The following LRIG3 variants were observed in gnomAD, a reference collection of about 807,000 sequenced individuals.
LRIG3 encodes the protein leucine-rich repeats and immunoglobulin-like domains protein 3.
LRIG3 carries 76 observed loss-of-function variants against 114.5 expected under a neutral mutation model. That is an observed-to-expected ratio of 0.66 (90% CI 0.55 to 0.80). The LOEUF is 0.80. LRIG3 is among the 30% of genes least tolerant of loss of function. The pLI, the probability that LRIG3 is intolerant of heterozygous loss-of-function variation, is 0.00. For synonymous variants in LRIG3, 512 were observed against 519.8 expected (o/e 0.98, Z 0.20); for missense variants, 1,239 against 1,382.8 (o/e 0.90, Z 1.65).
chr12:58,888,352 C>G lies in LRIG3; in HGVS notation c.924G>C (p.Glu308Asp). The G allele has an allele frequency of 6.2e-7, 1 of 1,613,384 alleles. No homozygotes were observed. The highest frequency in any genetic ancestry group is 2.2e-5 in the East Asian group (1 of 44,866). Residue 308 changes from glutamate to aspartate, a missense_variant, in exon 7 of 19, where the codon GAG becomes GAC. By Grantham distance (45) the Glu-to-Asp change is conservative. Coordinates refer to ENST00000320743, the MANE Select transcript of LRIG3 (RefSeq NM_153377.5). ...ACAGCTCACTGAGCTTCTGGCAGAA[C>G]TCCCAGGCATCAGGGCTGATCCTGT... ...AINRISPDAWEFCQKLSELDL... is the reference protein window; with the variant it reads ...AINRISPDAWDFCQKLSELDL...
At chr12:58,905,499 G>C (rs2120961667) in intron 3 of LRIG3, among the ~76,000 whole-genome samples, 1 of 152,280 alleles carries the variant, frequency 6.6e-6, no homozygotes, top group African/African-American at 2.4e-5. Context: ...GTAATATCTG[G>C]TTTGTATGTA....
intron 3 of LRIG3, among the ~76,000 whole-genome samples, chr12:58,891,029 G>A (rs1871439552): frequency 6.6e-6 from 1 of 152,162 alleles, no homozygotes. Flanking sequence ...GTTCTGTTTA[G>A]CAGCTGTGGC....
chr12:58,920,370 A>G lies in LRIG3; in HGVS notation c.-135T>C. On this transcript the variant is annotated 5_prime_UTR_variant, in exon 1 of 19. Transcript: ENST00000320743. ...CGCTCCTCCCTCGCGCTGCCCGGTC[A>G]ATTCCTTCTTTTACTCCCGGCGGCG... 1.7e-6 allele frequency: 1 copy of G among 582,594 alleles called. No individual in the cohort carries two copies. The highest frequency in any genetic ancestry group is 2.6e-6 in the Non-Finnish European group (1 of 384,154). 36.1% of individuals were successfully genotyped at this position (582,594 alleles called of 1,614,324 possible). A position where few individuals can be genotyped will look rare whatever the true frequency, so the allele number is the denominator to read the frequency against.
At position 58,920,125 on chromosome 12, in the gene LRIG3, C is replaced by T; in HGVS notation, c.111G>A (p.Gln37=). Residue 37 remains glutamine (Q), a synonymous_variant, in exon 1 of 19, where the codon CAG becomes CAA. Transcript: ENST00000320743. ...GGCGCTCGGCGGCTACCCCAGAGGG[C>T]TGCCCGAGTTCCCCGCGACCGCCGC... ...SDSGGRGELG[Q]PSGVAAERPC... 1.3e-6 allele frequency: 2 copies of T among 1,547,088 alleles called. No homozygotes were observed. The highest frequency in any genetic ancestry group is 1.7e-6 in the Non-Finnish European group (2 of 1,146,992).
chr12:58,907,555 C>T (rs915105677), intron 3 of LRIG3, among the ~76,000 whole-genome samples: 7 of 152,220 alleles, frequency 4.6e-5, no homozygotes, highest in Non-Finnish European at 8.8e-5. Context: ...CACCACAATG[C>T]AAAAGCAGCA....
intron 3 of LRIG3, among the ~76,000 whole-genome samples, chr12:58,909,093 C>G (rs988820255): frequency 6.6e-6 from 1 of 152,196 alleles, no homozygotes; most frequent in African/African-American, 2.4e-5. Flanking sequence ...GCAAGCCTTT[C>G]TCTACATCCC....
At chr12:58,911,727 T>C (rs12322708) in intron 3 of LRIG3, among the ~76,000 whole-genome samples, 18,673 of 152,140 alleles carry the variant, frequency 0.12, 2,245 homozygotes, top group African/African-American at 0.31. Context: ...TCAAGTGTTT[T>C]TATATAAAAG....
chr12:58,903,877 G>A (rs1452396365), intron 3 of LRIG3, among the ~76,000 whole-genome samples: 2 of 151,994 alleles, frequency 1.3e-5, no homozygotes, highest in African/African-American at 4.8e-5. Context: ...GATAGTTGTA[G>A]ATATGCGGCG....
intron 3 of LRIG3, among the ~76,000 whole-genome samples, chr12:58,893,742 T>C (rs1033742795): frequency 5.3e-5 from 8 of 152,158 alleles, no homozygotes; most frequent in Non-Finnish European, 1.5e-5. Flanking sequence ...ATCCAAATGT[T>C]TGCATTACTA....
At chr12:58,919,178 A>C (rs1375387423) in intron 1 of LRIG3, among the ~76,000 whole-genome samples, 1 of 152,236 alleles carries the variant, frequency 6.6e-6, no homozygotes, top group Non-Finnish European at 1.5e-5. Flanking sequence ...CATTTGGAAA[A>C]GATCAGCATT....
intron 1 of LRIG3, among the ~76,000 whole-genome samples, chr12:58,915,317 T>C (rs1039876830): frequency 6.6e-6 from 1 of 152,212 alleles, no homozygotes; most frequent in African/African-American, 2.4e-5. Context: ...ATCCAACCCA[T>C]ACTAATTTTT....
rs925840665 is a variant in LRIG3 at position 58,902,763 on chromosome 12, C to T, written c.383+11219G>A. Among the ~76,000 whole-genome samples the T allele has an allele frequency of 2.2e-5, 3 of 137,892 alleles. No individual in the cohort carries two copies. In the Admixed American group the frequency reaches 2.4e-4, roughly 11 times the overall value. 90.5% of individuals were successfully genotyped at this position (137,892 alleles called of 152,430 possible). On this transcript the variant is annotated intron_variant, in intron 3 of 18. Transcript: ENST00000320743. ...GTCCCCAGAGTGTGATGTTCCCCTT[C>T]CTGTGTCCATGTGTTCTCATTGTTC... is the stretch of plus-strand genomic sequence containing the variant.
At chr12:58,913,937 G>T (rs373466655) in intron 3 of LRIG3, 45 bp downstream of exon 3, 18 of 1,539,954 alleles carry the variant, frequency 1.2e-5, no homozygotes, top group Non-Finnish European at 1.5e-5. Context: ...TCCCACTCAA[G>T]GTTCCTGCAA....
intron 10 of LRIG3, 23 bp from the exon 11 acceptor site, chr12:58,883,614 G>T: frequency 3.3e-6 from 5 of 1,514,592 alleles, no homozygotes; most frequent in Non-Finnish European, 4.5e-6. Context: ...CAAATCAAAT[G>T]CATCAGAGCA....
At chr12:58,910,580 C>A (rs1872238600) in intron 3 of LRIG3, among the ~76,000 whole-genome samples, 1 of 152,126 alleles carries the variant, frequency 6.6e-6, no homozygotes, top group Non-Finnish European at 1.5e-5. Context: ...TGCACTCCAG[C>A]CTGGGTGACA....
At chr12:58,910,127 G>T (rs898884251) in intron 3 of LRIG3, among the ~76,000 whole-genome samples, 5 of 152,180 alleles carry the variant, frequency 3.3e-5, no homozygotes, top group African/African-American at 1.2e-4. Context: ...GATGGACTAA[G>T]AAATGCTTTA....
At chr12:58,902,775 T>G (rs1871910526) in intron 3 of LRIG3, among the ~76,000 whole-genome samples, 1 of 137,598 alleles carries the variant, frequency 7.3e-6, no homozygotes, top group Admixed American at 8.1e-5. Flanking sequence ...TGTGTCCATG[T>G]GTTCTCATTG....
chr12:58,892,222 T>C (rs1159904879), intron 3 of LRIG3, among the ~76,000 whole-genome samples: 1 of 152,210 alleles, frequency 6.6e-6, no homozygotes, highest in African/African-American at 2.4e-5. Flanking sequence ...GACCATCTTT[T>C]GGCAGGAGAA....
chr12:58,905,087 G>C (rs1323799618), intron 3 of LRIG3, among the ~76,000 whole-genome samples: 1 of 152,198 alleles, frequency 6.6e-6, no homozygotes, highest in Non-Finnish European at 1.5e-5. Flanking sequence ...GAGAACTGAG[G>C]AGTGACTCCA....
Sources: gnomAD v4.1 joint callset for allele counts (sites outside exome capture counted in the v4.1 genomes callset) on GRCh38, gnomAD v4.1.1 for gene constraint, MANE v1.5 for transcripts, NCBI Gene and HGNC (gene_info 2026-07-23, HGNC 2026-07-21) for gene names.